MYH6: variants seen among roughly 807,000 people sequenced by gnomAD.
MYH6 encodes myosin heavy chain 6, also known as myosin-6.
A neutral mutation model predicts 223.2 loss-of-function variants in MYH6; 126 were observed. That is an observed-to-expected ratio of 0.56 (90% CI 0.49 to 0.65). The LOEUF (loss-of-function observed/expected upper bound fraction) is 0.65, where lower values mean the gene tolerates loss of function less well. Among genes scored for constraint, MYH6 ranks in the 30% least tolerant of loss-of-function variants. The pLI is 0.00. For missense variants in MYH6, 2,040 were observed against 2,536.4 expected (o/e 0.80, Z 4.20); for synonymous variants, 978 against 1,010.2 (o/e 0.97, Z 0.61).
chr14:23,402,440 G>C (rs566769635), intron 12 of MYH6, 24 bp downstream of exon 12: 1 of 1,611,658 alleles, frequency 6.2e-7, no homozygotes, highest in Admixed American at 1.7e-5. Flanking sequence ...GGCCTTCCCA[G>C]GGCTGCCTGC....
At chr14:23,383,362 C>A (rs1237245546) in intron 36 of MYH6, 42 bp from the exon 37 acceptor site, 1 of 1,422,212 alleles carries the variant, frequency 7.0e-7, no homozygotes, top group East Asian at 2.3e-5. Flanking sequence ...GGAGGGGGAG[C>A]AAATGCAATC....
At chr14:23,400,600 G>A (rs1383151383) in intron 13 of MYH6, 109 bp downstream of exon 13, 2 of 1,593,522 alleles carry the variant, frequency 1.3e-6, no homozygotes, top group Non-Finnish European at 1.7e-6. Flanking sequence ...TCACCACACA[G>A]TCCCCACTGC....
intron 14 of MYH6, among the ~76,000 whole-genome samples, chr14:23,399,554 A>G (rs1454657056): frequency 6.6e-6 from 1 of 152,016 alleles, no homozygotes; most frequent in Non-Finnish European, 1.5e-5. Context: ...AAACGCATGT[A>G]CACACACACA....
chr14:23,396,902 T>C (rs1241164996), intron 18 of MYH6, 61 bp downstream of exon 18: 6 of 1,612,404 alleles, frequency 3.7e-6, no homozygotes, highest in Non-Finnish European at 5.1e-6. Flanking sequence ...GCAGATCCCA[T>C]TCCCATCAGG....
Position 23,389,042 on chromosome 14 carries a change from A to AG in MYH6, c.3991dup (p.Leu1331ProfsTer11). 1 of 1,268,624 alleles carries AG rather than the reference A, an allele frequency of 7.9e-7. No individual in the cohort carries two copies. The allele number at this position is 1,268,624 out of a possible 1,614,324, so 78.6% of individuals were successfully genotyped here. A position where few individuals can be genotyped will look rare whatever the true frequency, so the allele number is the denominator to read the frequency against. On this transcript the variant is annotated frameshift_variant, in exon 29 of 39. Coordinates refer to ENST00000405093, the MANE Select transcript of MYH6 (RefSeq NM_002471.4). LOFTEE classifies it high-confidence loss of function. The stretch of plus-strand genomic sequence containing the variant: ...CCGGGCCGACTGCAGTGCATGGGCC[A>AG]GGGCGTTCTTCGCCTGGGGAGGGGG...
chr14:23,392,321 T>A (rs1376511349), intron 25 of MYH6, among the ~76,000 whole-genome samples: 1 of 152,096 alleles, frequency 6.6e-6, no homozygotes, highest in East Asian at 1.9e-4. Flanking sequence ...AGAGCAGATC[T>A]CAGAAGGAGA....
At position 23,393,448 on chromosome 14, in the gene MYH6, G is replaced by A. The variant is rs1204356388; in HGVS notation, c.2999C>T (p.Ala1000Val). ...GGCCTGCTGATGGGCCTCTTGTAGAGCTTTCTTCTCCTTGGTCAGCTTAGC... is the reference window on the plus strand; with the variant it reads ...GGCCTGCTGATGGGCCTCTTGTAGAACTTTCTTCTCCTTGGTCAGCTTAGC... ...IIAKLTKEKK[A>V]LQEAHQQALD... Residue 1000 changes from alanine to valine, a missense_variant, in exon 23 of 39, where the codon GCT becomes GTT. By Grantham distance (64) the Ala-to-Val change is moderately conservative (BLOSUM62 0). Around this residue, in one of 4 missense-constraint regions of MYH6, gnomAD observed 1,203 missense variants for 1,400.2 expected, o/e 0.86. Transcript: ENST00000405093. 5 of 1,614,120 alleles carry A rather than the reference G, an allele frequency of 3.1e-6. No individual in the cohort carries two copies. The South Asian group carries it at 3.3e-5, about 11-fold the overall frequency.
chr14:23,382,380 G>T, intron 38 of MYH6, 48 bp downstream of exon 38: 1 of 1,612,378 alleles, frequency 6.2e-7, no homozygotes, highest in Non-Finnish European at 8.5e-7. Flanking sequence ...CATATCAGGG[G>T]GCATGCTAAT....
At chr14:23,382,840 C>T (rs539002081) in intron 37 of MYH6, among the ~76,000 whole-genome samples, 1 of 152,176 alleles carries the variant, frequency 6.6e-6, no homozygotes. Context: ...TGTCCCGGAC[C>T]CCAGCTTCCT....
chr14:23,399,065 A>T, intron 14 of MYH6, 28 bp from the exon 15 acceptor site: 1 of 1,612,226 alleles, frequency 6.2e-7, no homozygotes, highest in Admixed American at 1.7e-5. Flanking sequence ...AGGCAAAGAG[A>T]GAATCACTGA....
In MYH6 at chr14:23,404,300, C is replaced by T. The variant is rs200645920; in HGVS notation, c.731G>A (p.Arg244His). 26 of 1,614,120 alleles carry T rather than the reference C, an allele frequency of 1.6e-5. No individual in the cohort carries two copies. The highest frequency in any genetic ancestry group is 6.6e-5 in the South Asian group (6 of 91,088). ...GGAGTGGTCAAAGGCACTCACAAAG[C>T]GGGAGGAGTTGTCGTTCCGGACAGT... The part of the protein sequence containing the change: ...AKTVRNDNSS[R>H]FGKFIRIHFG... The change falls in exon 8 of 39, where the codon CGC becomes CAC. Residue 244 changes from arginine to histidine, a missense_variant. By Grantham distance (29) the Arg-to-His change is conservative (BLOSUM62 0). This residue lies in a region of MYH6 where 649 missense variants were observed against 877.3 expected (regional missense o/e 0.74). Coordinates refer to ENST00000405093, the MANE Select transcript of MYH6 (RefSeq NM_002471.4).
At position 23,386,002 on chromosome 14, in the gene MYH6, T is replaced by C. The variant is rs727503233; in HGVS notation, c.5089A>G (p.Thr1697Ala). ...TCCGCCAGCTTCCGGGACCGCTCTGTCTGCTCCACCACGGCACGCAGCTCC... is the reference window on the plus strand; with the variant it reads ...TCCGCCAGCTTCCGGGACCGCTCTGCCTGCTCCACCACGGCACGCAGCTCC... ...LEELRAVVEQ[T>A]ERSRKLAEQE... is the part of the protein sequence containing the mutation. Residue 1697 changes from threonine (T) to alanine (A), a missense_variant, in exon 34 of 39, where the codon ACA becomes GCA. Thr to Ala is a moderately conservative substitution (Grantham distance 58). Around this residue, in one of 4 missense-constraint regions of MYH6, gnomAD observed 1,203 missense variants for 1,400.2 expected, o/e 0.86. Transcript: ENST00000405093. The C allele has an allele frequency of 2.5e-6, 4 of 1,614,180 alleles. No individual in the cohort carries two copies. Among genetic ancestry groups the C allele is most frequent in the Admixed American group, 3.3e-5 (2 of 60,030 alleles).
chr14:23,387,064 A>C (rs1891050525), intron 32 of MYH6, among the ~76,000 whole-genome samples: 1 of 152,218 alleles, frequency 6.6e-6, no homozygotes, highest in Non-Finnish European at 1.5e-5. Flanking sequence ...TTAAGTGCTT[A>C]AATGTGTTAC....
chr14:23,384,770 TG>T, intron 35 of MYH6, 53 bp from the exon 36 acceptor site: 1 of 1,614,004 alleles, frequency 6.2e-7, no homozygotes. Flanking sequence ...CGGGGCCTTT[TG>T]CCCCCCAAGG....
At position 23,393,823 on chromosome 14, in the gene MYH6, A is replaced by C; in HGVS notation, c.2771T>G (p.Met924Arg). 1 of 1,614,154 alleles carries C rather than the reference A, an allele frequency of 6.2e-7. No individual in the cohort carries two copies. The highest frequency in any genetic ancestry group is 8.5e-7 in the Non-Finnish European group (1 of 1,180,046). The change falls in exon 22 of 39, where the codon ATG (methionine) becomes AGG (arginine). Residue 924 changes from methionine to arginine, a missense_variant. Around this residue, in one of 4 missense-constraint regions of MYH6, gnomAD observed 1,203 missense variants for 1,400.2 expected, o/e 0.86. Coordinates refer to ENST00000405093, the MANE Select transcript of MYH6 (RefSeq NM_002471.4). The stretch of plus-strand genomic sequence containing the variant: ...CTCCTCATCCTCCAGCCTCTCATTC[A>C]TCTCCTTTACTTTGGCCTCCAGCTG... ...KIQLEAKVKE[M>R]NERLEDEEEM...
In MYH6 at chr14:23,393,889, T is replaced by G. The variant is rs1480844465; in HGVS notation, c.2705A>C (p.Asp902Ala). Residue 902 changes from aspartate to alanine, a missense_variant, in exon 22 of 39, where the codon GAT (aspartate) becomes GCT (alanine). Physicochemically the swap from Asp to Ala is moderately radical, Grantham distance 126. Around this residue, in one of 4 missense-constraint regions of MYH6, gnomAD observed 1,203 missense variants for 1,400.2 expected, o/e 0.86. Coordinates refer to ENST00000405093, the MANE Select transcript of MYH6 (RefSeq NM_002471.4). ...QVQAEQDNLN[D>A]AEERCDQLIK... Reference sequence around the variant, plus strand: ...CAGCTGGTCGCAGCGCTCCTCAGCATCATTGAGGTTGTCTTGTTCCTGGGA... The same window carrying G: ...CAGCTGGTCGCAGCGCTCCTCAGCAGCATTGAGGTTGTCTTGTTCCTGGGA... 1.2e-6 allele frequency: 2 copies of G among 1,614,188 alleles called. No homozygotes were observed. The highest frequency in any genetic ancestry group is 1.7e-6 in the Non-Finnish European group (2 of 1,180,042).
chr14:23,406,888 A>G (rs1891804739), intron 3 of MYH6, 135 bp downstream of exon 3: 3 of 1,007,840 alleles, frequency 3.0e-6, no homozygotes, highest in African/African-American at 3.1e-5. Flanking sequence ...GGGCTCCTCA[A>G]AGGAGCATGT....
intron 35 of MYH6, 74 bp downstream of exon 35, chr14:23,384,842 A>G (rs1890971765): frequency 6.2e-7 from 1 of 1,613,260 alleles, no homozygotes; most frequent in Non-Finnish European, 8.5e-7. Context: ...TTGGTGTTAC[A>G]GCACAGTGGC....
rs200234758 is a variant in MYH6 at position 23,388,841 on chromosome 14, G to A, written c.4175+18C>T. The A allele has an allele frequency of 1.1e-5, 18 of 1,613,746 alleles. No individual in the cohort carries two copies. The African/African-American group carries it at 1.2e-4, about 11-fold the overall frequency. ...CTTCCTCTCTGAGAGTCAGGTTAAG[G>A]GGGTATCTGGAGCTCACTTGGCCTC... On this transcript the variant is annotated intron_variant, in intron 29 of 38. Transcript: ENST00000405093.
Sources: gnomAD v4.1 joint callset for allele counts (sites outside exome capture counted in the v4.1 genomes callset) on GRCh38, gnomAD v4.1.1 for gene constraint, gnomAD v4.1.1 regional missense constraint, MANE v1.5 for transcripts, NCBI Gene and HGNC (gene_info 2026-07-23, HGNC 2026-07-21) for gene names.